Variants in LPP observed in about 807,000 individuals in gnomAD.
The protein encoded by LPP is lipoma-preferred partner.
Under a neutral mutation model 60.4 loss-of-function variants are expected in LPP, and 38 were observed. That is an observed-to-expected ratio of 0.63 (90% CI 0.49 to 0.83). The LOEUF is 0.83. LPP is among the 40% of genes least tolerant of loss of function. The pLI is 0.00. For missense variants in LPP, 902 were observed against 783.6 expected, an observed-to-expected ratio of 1.15 and a Z score of -1.80; for synonymous variants, 328 against 290.8, an observed-to-expected ratio of 1.13 and a Z score of -1.30.
chr3:188,552,033 A>G (rs1016108232), intron 6 of LPP, among the ~76,000 whole-genome samples: 15 of 152,168 alleles, frequency 9.9e-5, no homozygotes, highest in Non-Finnish European at 1.9e-4. Context: ...AAACAGAAAA[A>G]AATATTGCAT....
chr3:188,746,061 T>A (rs748934632), intron 8 of LPP, among the ~76,000 whole-genome samples: 5 of 152,134 alleles, frequency 3.3e-5, no homozygotes, highest in Non-Finnish European at 7.4e-5. Context: ...TTAATAATGA[T>A]CTTCTCTTTT....
intron 6 of LPP, among the ~76,000 whole-genome samples, chr3:188,578,788 G>T (rs371319038): frequency 6.6e-6 from 1 of 152,068 alleles, no homozygotes. Context: ...TGCATGTGCT[G>T]CTATTACACA....
At chr3:188,829,048 A>C (rs1312896744) in intron 9 of LPP, among the ~76,000 whole-genome samples, 1 of 151,990 alleles carries the variant, frequency 6.6e-6, no homozygotes, top group African/African-American at 2.4e-5. Context: ...ATTTATCTCT[A>C]TACCCCCCAT....
chr3:188,577,601 T>C (rs2150933841), intron 6 of LPP, among the ~76,000 whole-genome samples: 1 of 151,674 alleles, frequency 6.6e-6, no homozygotes, highest in Non-Finnish European at 1.5e-5. Context: ...TAAGTATATG[T>C]ATGTATATAC....
Position 188,707,738 on chromosome 3 carries a change from C to T in LPP, c.1114-529C>T, listed in dbSNP as rs183980271. On this transcript the variant is annotated intron_variant, in intron 7 of 11. Coordinates refer to ENST00000617246, the MANE Select transcript of LPP (RefSeq NM_001375462.1). ...CTTTATGCTGCTTGACTTTTTTCACCTGAGTGTGAGAAACTTCTACCTGTA... is the reference window on the plus strand; with the variant it reads ...CTTTATGCTGCTTGACTTTTTTCACTTGAGTGTGAGAAACTTCTACCTGTA... Among the ~76,000 whole-genome samples, 35 of 152,262 alleles carry T rather than the reference C, an allele frequency of 2.3e-4. No individual in the cohort carries two copies. In the East Asian group the frequency reaches 5.8e-3, roughly 25 times the overall value.
At chr3:188,732,856 A>G (rs1249624499) in intron 8 of LPP, among the ~76,000 whole-genome samples, 1 of 152,134 alleles carries the variant, frequency 6.6e-6, no homozygotes, top group Non-Finnish European at 1.5e-5. Context: ...TAAACTGAAT[A>G]ATACCAGTGA....
chr3:188,767,438 T>G (rs1734511753), intron 9 of LPP, among the ~76,000 whole-genome samples: 1 of 152,148 alleles, frequency 6.6e-6, no homozygotes, highest in African/African-American at 2.4e-5. Flanking sequence ...GAAAACATAT[T>G]CTTTATAAAA....
chr3:188,510,574 C>T (rs931299489), intron 5 of LPP, among the ~76,000 whole-genome samples: 3 of 152,212 alleles, frequency 2.0e-5, no homozygotes. Context: ...TGCCCACTCT[C>T]TCCTTCGTCA....
At chr3:188,685,692 T>C (rs1425719009) in intron 7 of LPP, among the ~76,000 whole-genome samples, 1 of 152,188 alleles carries the variant, frequency 6.6e-6, no homozygotes, top group Non-Finnish European at 1.5e-5. Context: ...CTAAGCAAGC[T>C]GGACCATTTC....
intron 7 of LPP, among the ~76,000 whole-genome samples, chr3:188,643,802 T>C (rs1850628316): frequency 6.6e-6 from 1 of 152,146 alleles, no homozygotes; most frequent in Non-Finnish European, 1.5e-5. Flanking sequence ...GCAATGAGAT[T>C]GTTTTTCTTG....
chr3:188,227,097 C>G (rs1215298618), intron 2 of LPP, among the ~76,000 whole-genome samples: 1 of 152,074 alleles, frequency 6.6e-6, no homozygotes, highest in African/African-American at 2.4e-5. Flanking sequence ...TTAAAAAAAT[C>G]AAGTGTGTAA....
intron 4 of LPP, among the ~76,000 whole-genome samples, chr3:188,466,804 A>AATATATATATATAT (rs375483583): frequency 0.016 from 1,140 of 72,822 alleles, 252 homozygotes; most frequent in African/African-American, 0.018. Flanking sequence ...GTCATCTCAG[A>AATATATATATATAT]ACATATATAT....
intron 5 of LPP, among the ~76,000 whole-genome samples, chr3:188,509,673 CCTT>C (rs1814697106): frequency 3.3e-5 from 1 of 30,414 alleles, no homozygotes; most frequent in Non-Finnish European, 7.4e-5. Flanking sequence ...TTCCTTCCTT[CCTT>C]CCTTCCTTCC....
chr3:188,371,266 T>C (rs1263682615), intron 3 of LPP, among the ~76,000 whole-genome samples: 1 of 151,934 alleles, frequency 6.6e-6, no homozygotes, highest in Non-Finnish European at 1.5e-5. Flanking sequence ...CATTAATTCA[T>C]TTATTTATAT....
intron 6 of LPP, among the ~76,000 whole-genome samples, chr3:188,557,631 C>G (rs1448355731): frequency 2.6e-5 from 4 of 152,108 alleles, no homozygotes; most frequent in Admixed American, 6.6e-5. Flanking sequence ...CTCTCTCTCT[C>G]TGTGTAGTCC....
At chr3:188,305,827 T>A (rs1246367091) in intron 2 of LPP, among the ~76,000 whole-genome samples, 3 of 152,150 alleles carry the variant, frequency 2.0e-5, no homozygotes, top group Non-Finnish European at 4.4e-5. Flanking sequence ...GAGAGACATA[T>A]ACTATTGTAA....
rs1171471143 is a variant in LPP, at chr3:188,325,085, A to G, written c.-66-16578A>G. On this transcript the variant is annotated intron_variant, in intron 2 of 11. Transcript: ENST00000617246. ...AGCCTCCACCTTCTGGGTTCAAGCAATTCTCCTGCCTCAGCCTCCCGAGTA... is the reference window on the plus strand; with the variant it reads ...AGCCTCCACCTTCTGGGTTCAAGCAGTTCTCCTGCCTCAGCCTCCCGAGTA... Among the ~76,000 whole-genome samples, 3 of 151,966 alleles carry G rather than the reference A, an allele frequency of 2.0e-5. No individual in the cohort carries two copies. In the East Asian group the frequency reaches 5.8e-4, roughly 29 times the overall value.
At chr3:188,598,176 T>C (rs1409400733) in intron 6 of LPP, among the ~76,000 whole-genome samples, 1 of 152,068 alleles carries the variant, frequency 6.6e-6, no homozygotes, top group Non-Finnish European at 1.5e-5. Flanking sequence ...TAGAGGAAAG[T>C]AAGAGAGGAG....
chr3:188,645,182 T>C (rs1023173487), intron 7 of LPP, among the ~76,000 whole-genome samples: 3 of 152,204 alleles, frequency 2.0e-5, no homozygotes, highest in African/African-American at 7.2e-5. Context: ...AGTACTTTTA[T>C]ATTTGAATAA....
Sources: allele counts gnomAD v4.1 joint callset (sites outside exome capture counted in the v4.1 genomes callset), GRCh38; gene constraint gnomAD v4.1.1; transcripts MANE v1.5; gene names NCBI Gene and HGNC (gene_info 2026-07-23, HGNC 2026-07-21).